The following TMEM161B variants were observed in gnomAD, a reference collection of about 807,000 sequenced individuals.
TMEM161B encodes transmembrane protein 161B.
TMEM161B carries 34 observed loss-of-function variants against 61.8 expected under a neutral mutation model. That is an observed-to-expected ratio of 0.55 (90% CI 0.42 to 0.73). The LOEUF (loss-of-function observed/expected upper bound fraction) is 0.73, where lower values mean the gene tolerates loss of function less well. TMEM161B is among the 30% of genes least tolerant of loss of function. The pLI, the probability that TMEM161B is intolerant of heterozygous loss-of-function variation, is 0.00. For missense variants in TMEM161B, 456 were observed against 558.5 expected (o/e 0.82, Z 1.85); for synonymous variants, 167 against 192.8 (o/e 0.87, Z 1.11).
intron 8 of TMEM161B, among the ~76,000 whole-genome samples, chr5:88,204,882 G>A (rs897110078): frequency 6.6e-6 from 1 of 151,562 alleles, no homozygotes; most frequent in African/African-American, 2.4e-5. Context: ...TAAATTAAAG[G>A]GAAATGACAG....
chr5:88,203,073 G>A lies in TMEM161B; in HGVS notation c.803C>T (p.Thr268Ile), dbSNP rs750185637. The A allele has an allele frequency of 1.3e-6, 2 of 1,545,288 alleles. No homozygotes were observed. The highest frequency in any genetic ancestry group is 2.2e-5 in the South Asian group (2 of 89,000). The change falls in exon 9 of 12, where the codon ACT becomes ATT. Residue 268 changes from threonine (T) to isoleucine (I), a missense_variant and splice_region_variant. Around this residue, in one of 3 missense-constraint regions of TMEM161B, gnomAD observed 367 missense variants for 427.3 expected, o/e 0.86. Transcript: ENST00000296595. ...TGCCAAGAAGTTGATATGAAGTAAA[G>A]TTCTGAAAGTACGTAAGAAATAAAT... is the stretch of plus-strand genomic sequence containing the variant. ...LNLATEKITQ[T>I]LLHINFLAPL...
At position 88,240,931 on chromosome 5, in the gene TMEM161B, C is replaced by A. The variant is rs1018766443; in HGVS notation, c.4-15G>T. On this transcript the variant is annotated splice_polypyrimidine_tract_variant and intron_variant, in intron 1 of 11. Transcript: ENST00000296595. Reference sequence around the variant, plus strand: ...CCTATCACACCCTGTGTAAAAAAAACAAACAAATTTAATAATGAATGATTT... The same window carrying A: ...CCTATCACACCCTGTGTAAAAAAAAAAAACAAATTTAATAATGAATGATTT... 3.1e-5 allele frequency: 46 copies of A among 1,503,062 alleles called. No individual in the cohort carries two copies. Among genetic ancestry groups the A allele is most frequent in the Non-Finnish European group, 3.6e-5 (40 of 1,115,368 alleles). 93.1% of individuals were successfully genotyped at this position (1,503,062 alleles called of 1,614,324 possible). A position where few individuals can be genotyped will look rare whatever the true frequency, so the allele number is the denominator to read the frequency against.
intron 8 of TMEM161B, among the ~76,000 whole-genome samples, chr5:88,203,787 ATATATATATATATATATATATATATAT>A (rs1561312602): frequency 0.017 from 334 of 19,312 alleles, 29 homozygotes; most frequent in African/African-American, 0.032. Flanking sequence ...ATATATATAT[ATATATATATATATATATATATATATAT>A]AATTTGCATT....
chr5:88,257,268 T>TCAAAAA (rs1244613469), intron 1 of TMEM161B, among the ~76,000 whole-genome samples: 3 of 152,086 alleles, frequency 2.0e-5, no homozygotes, highest in Non-Finnish European at 4.4e-5. Context: ...AGAATTTGTC[T>TCAAAAA]CAAAAACAAA....
At chr5:88,210,167 C>A (rs1321820893) in intron 5 of TMEM161B, among the ~76,000 whole-genome samples, 1 of 152,124 alleles carries the variant, frequency 6.6e-6, no homozygotes, top group East Asian at 1.9e-4. Flanking sequence ...TTGTAAAATG[C>A]CGCCAGTCCA....
intron 9 of TMEM161B, chr5:88,201,070 C>A (rs936589635): frequency 2.6e-5 from 4 of 151,792 alleles, no homozygotes; most frequent in Non-Finnish European, 5.9e-5. Context: ...TTAAAAACTG[C>A]CTCTAATAAC....
At chr5:88,221,665 T>C in intron 4 of TMEM161B, 2 of 455,550 alleles carry the variant, frequency 4.4e-6, no homozygotes, top group Non-Finnish European at 8.8e-6. Flanking sequence ...GTAAATATAA[T>C]TCCATCACCC....
At chr5:88,191,829 C>G (rs991860249), downstream of TMEM161B, among the ~76,000 whole-genome samples, 4 of 149,990 alleles carry the variant, frequency 2.7e-5, no homozygotes, top group Admixed American at 2.0e-4. Flanking sequence ...TGGTGGCGGG[C>G]GCCTGTAGTC....
At chr5:88,235,343 T>C (rs1208706107) in intron 2 of TMEM161B, among the ~76,000 whole-genome samples, 1 of 152,206 alleles carries the variant, frequency 6.6e-6, no homozygotes, top group Non-Finnish European at 1.5e-5. Context: ...CATATAAAAC[T>C]CTATTTCATG....
At chr5:88,264,693 C>A (rs768769866) in intron 1 of TMEM161B, among the ~76,000 whole-genome samples, 1 of 152,130 alleles carries the variant, frequency 6.6e-6, no homozygotes, top group Non-Finnish European at 1.5e-5. Flanking sequence ...AACCCAAATA[C>A]ACATCAATGA....
chr5:88,191,079 T>C (rs771106097), downstream of TMEM161B, among the ~76,000 whole-genome samples: 1 of 152,252 alleles, frequency 6.6e-6, no homozygotes, highest in Non-Finnish European at 1.5e-5. Context: ...ATATTTATAA[T>C]GTCTTCCTTG....
intron 5 of TMEM161B, among the ~76,000 whole-genome samples, chr5:88,212,134 A>C (rs1218235515): frequency 6.6e-6 from 1 of 152,238 alleles, no homozygotes; most frequent in Non-Finnish European, 1.5e-5. Flanking sequence ...GCAATTTTCA[A>C]GGTTGAGGAC....
intron 2 of TMEM161B, among the ~76,000 whole-genome samples, chr5:88,231,418 G>A (rs766660662): frequency 2.0e-5 from 3 of 152,164 alleles, no homozygotes; most frequent in Admixed American, 1.3e-4. Context: ...CAGAATACAA[G>A]TGCAGTATAC....
chr5:88,241,836 A>G (rs1457002879), intron 1 of TMEM161B, among the ~76,000 whole-genome samples: 1 of 151,796 alleles, frequency 6.6e-6, no homozygotes, highest in African/African-American at 2.4e-5. Context: ...TCTACTTTAC[A>G]GGAAAAATAG....
chr5:88,247,177 G>A (rs1219215159), intron 1 of TMEM161B, among the ~76,000 whole-genome samples: 1 of 151,938 alleles, frequency 6.6e-6, no homozygotes, highest in African/African-American at 2.4e-5. Context: ...TTTCTTGGAA[G>A]GTTACAAAAA....
intron 5 of TMEM161B, among the ~76,000 whole-genome samples, chr5:88,208,612 A>T (rs909579478): frequency 1.3e-5 from 2 of 151,788 alleles, no homozygotes; most frequent in East Asian, 2.0e-4. Context: ...ACTGCACTCC[A>T]GTCTGGGCAA....
At chr5:88,198,898 C>T (rs1303191838) in intron 10 of TMEM161B, 78 bp downstream of exon 10, 3 of 1,330,046 alleles carry the variant, frequency 2.3e-6, no homozygotes, top group African/African-American at 3.0e-5. Context: ...ATACTATCTA[C>T]TAAAGGAAAC....
At chr5:88,194,044 T>C (rs1749258949), downstream of TMEM161B, among the ~76,000 whole-genome samples, 1 of 152,188 alleles carries the variant, frequency 6.6e-6, no homozygotes, top group African/African-American at 2.4e-5. Context: ...GTTTGCTATA[T>C]GGGTGTATTG....
chr5:88,228,408 T>C, intron 3 of TMEM161B, 37 bp downstream of exon 3: 1 of 1,387,080 alleles, frequency 7.2e-7, no homozygotes, highest in Non-Finnish European at 1.0e-6. Context: ...TAAATTGTGT[T>C]AAATATTTAT....
Sources: allele counts gnomAD v4.1 joint callset (sites outside exome capture counted in the v4.1 genomes callset), GRCh38; gene constraint gnomAD v4.1.1; regional missense constraint gnomAD v4.1.1; transcripts MANE v1.5; gene names NCBI Gene and HGNC (gene_info 2026-07-23, HGNC 2026-07-21).